APBA1: variants seen among roughly 807,000 people sequenced by gnomAD.
APBA1 encodes the protein amyloid beta precursor protein binding family A member 1.
In APBA1, 55 loss-of-function variants were observed where a neutral mutation model predicts 86.6. The observed-to-expected ratio is 0.64, with a 90% CI of 0.51 to 0.80. APBA1 has a LOEUF of 0.80. APBA1 is among the 30% of genes least tolerant of loss of function. APBA1 has a pLI of 0.00. For synonymous variants in APBA1, 511 were observed against 493.9 expected (o/e 1.03, Z -0.46); for missense variants, 1,090 against 1,183.0 (o/e 0.92, Z 1.15).
intron 1 of APBA1, among the ~76,000 whole-genome samples, chr9:69,639,932 T>C (rs1355835847): frequency 6.6e-6 from 1 of 152,148 alleles, no homozygotes; most frequent in Non-Finnish European, 1.5e-5. Context: ...TTGAAGCTTC[T>C]ACATCTGTCT....
At chr9:69,588,191 G>A (rs979929830) in intron 1 of APBA1, among the ~76,000 whole-genome samples, 4 of 152,076 alleles carry the variant, frequency 2.6e-5, no homozygotes, top group Non-Finnish European at 5.9e-5. Flanking sequence ...AAGAAAGAAC[G>A]TTCCCATTAG....
intron 1 of APBA1, among the ~76,000 whole-genome samples, chr9:69,601,856 T>C (rs1822355520): frequency 1.3e-5 from 2 of 152,180 alleles, no homozygotes; most frequent in South Asian, 2.1e-4. Context: ...TCTACTACAT[T>C]TTCCCCTGTA....
chr9:69,538,865 C>A (rs528202842), intron 1 of APBA1, among the ~76,000 whole-genome samples: 1 of 152,198 alleles, frequency 6.6e-6, no homozygotes, highest in Non-Finnish European at 1.5e-5. Context: ...CCATTCCAAT[C>A]GGGCTCCCAT....
At chr9:69,577,874 T>C (rs977747774) in intron 1 of APBA1, among the ~76,000 whole-genome samples, 2 of 152,016 alleles carry the variant, frequency 1.3e-5, no homozygotes, top group African/African-American at 4.8e-5. Context: ...ACAGCTGGAA[T>C]TCACCTGTCT....
chr9:69,580,816 T>C (rs1306637316), intron 1 of APBA1, among the ~76,000 whole-genome samples: 3 of 152,244 alleles, frequency 2.0e-5, no homozygotes, highest in Admixed American at 2.0e-4. Context: ...ACTTCGCATA[T>C]CCCTCTCCAT....
At chr9:69,598,409 T>G (rs1483328770) in intron 1 of APBA1, among the ~76,000 whole-genome samples, 2 of 151,420 alleles carry the variant, frequency 1.3e-5, no homozygotes, top group East Asian at 3.9e-4. Context: ...AATGTGCACA[T>G]GTACCCTAAA....
intron 11 of APBA1, among the ~76,000 whole-genome samples, chr9:69,434,547 A>T (rs1834664413): frequency 6.6e-6 from 1 of 152,140 alleles, no homozygotes; most frequent in Admixed American, 6.5e-5. Context: ...CCTCTACTAA[A>T]AATACAAAAA....
At chr9:69,610,793 A>T (rs1822571351) in intron 1 of APBA1, among the ~76,000 whole-genome samples, 1 of 152,180 alleles carries the variant, frequency 6.6e-6, no homozygotes, top group African/African-American at 2.4e-5. Context: ...ACATTAAGGC[A>T]TGCCAGGTTC....
At chr9:69,536,704 T>TA (rs71356116) in intron 1 of APBA1, among the ~76,000 whole-genome samples, 11,805 of 55,870 alleles carry the variant, frequency 0.21, 1,397 homozygotes, top group East Asian at 0.38. Flanking sequence ...CCATCTCTAC[T>TA]AAAAAAAAAA....
At chr9:69,598,737 G>A (rs1473999166) in intron 1 of APBA1, among the ~76,000 whole-genome samples, 1 of 152,188 alleles carries the variant, frequency 6.6e-6, no homozygotes, top group Non-Finnish European at 1.5e-5. Flanking sequence ...CCACCTGTGG[G>A]GAGATGGAAA....
chr9:69,668,984 C>G (rs977801233), intron 1 of APBA1, among the ~76,000 whole-genome samples: 6 of 152,320 alleles, frequency 3.9e-5, no homozygotes, highest in African/African-American at 1.2e-4. Context: ...TCATTTTTCA[C>G]TATTTTTACA....
intron 2 of APBA1, among the ~76,000 whole-genome samples, chr9:69,504,940 TC>T (rs566438001): frequency 2.0e-4 from 31 of 152,124 alleles, no homozygotes; most frequent in African/African-American, 7.5e-4. Flanking sequence ...ATAATCCTCT[TC>T]TTTTTCAGCC....
rs71356111 is a variant in APBA1, at chr9:69,499,666, CA to C, written c.1200+16344del. ...GGTCAGTAGTTTCCTAGCAACGGTCCAAAAAAAAAAAAAATCCATGTCGGTG... is the reference window on the plus strand; with the variant it reads ...GGTCAGTAGTTTCCTAGCAACGGTCCAAAAAAAAAAAAATCCATGTCGGTG... On this transcript the variant is annotated intron_variant, in intron 2 of 12. Transcript: ENST00000265381. Among the ~76,000 whole-genome samples, 1,365 of 142,988 alleles carry C rather than the reference CA, an allele frequency of 9.5e-3. 18 individuals are homozygous for C. Among genetic ancestry groups the C allele is most frequent in the African/African-American group, 0.03 (1,169 of 38,350 alleles). The allele number at this position is 142,988 out of a possible 152,430, so 93.8% of individuals were successfully genotyped here. A position where few individuals can be genotyped will look rare whatever the true frequency, so the allele number is the denominator to read the frequency against.
chr9:69,470,593 T>C (rs771421162), intron 4 of APBA1, among the ~76,000 whole-genome samples: 7 of 152,218 alleles, frequency 4.6e-5, no homozygotes, highest in Non-Finnish European at 1.0e-4. Flanking sequence ...GAGCTTGTCC[T>C]GGGCTTTGAG....
intron 1 of APBA1, among the ~76,000 whole-genome samples, chr9:69,657,911 A>G (rs1823644050): frequency 6.6e-6 from 1 of 152,180 alleles, no homozygotes; most frequent in Non-Finnish European, 1.5e-5. Context: ...AATGGAAGAG[A>G]GAATATTCAC....
chr9:69,542,172 T>A (rs1836623199), intron 1 of APBA1, among the ~76,000 whole-genome samples: 1 of 152,178 alleles, frequency 6.6e-6, no homozygotes, highest in African/African-American at 2.4e-5. Flanking sequence ...ATACATCTCC[T>A]CTTCCCTACC....
chr9:69,615,059 G>A (rs1822672663), intron 1 of APBA1, among the ~76,000 whole-genome samples: 1 of 152,128 alleles, frequency 6.6e-6, no homozygotes, highest in Admixed American at 6.6e-5. Context: ...AATTAGCTGG[G>A]CGTGGTGGTG....
chr9:69,635,413 C>T (rs756098274), intron 1 of APBA1, among the ~76,000 whole-genome samples: 1 of 151,730 alleles, frequency 6.6e-6, no homozygotes, highest in African/African-American at 2.4e-5. Flanking sequence ...ATAAAAATAA[C>T]CTTCACTAAA....
At chr9:69,525,563 A>G (rs1836329362) in intron 1 of APBA1, among the ~76,000 whole-genome samples, 1 of 151,796 alleles carries the variant, frequency 6.6e-6, no homozygotes, top group Non-Finnish European at 1.5e-5. Flanking sequence ...GAACTATAAG[A>G]CACTGCTAAA....
Sources: allele counts gnomAD v4.1 joint callset (sites outside exome capture counted in the v4.1 genomes callset), GRCh38; gene constraint gnomAD v4.1.1; transcripts MANE v1.5; gene names NCBI Gene and HGNC (gene_info 2026-07-23, HGNC 2026-07-21).